SLFN12L: variants seen among roughly 807,000 people sequenced by gnomAD.
SLFN12L encodes the protein schlafen family member 12-like.
Under a neutral mutation model 34.8 loss-of-function variants are expected in SLFN12L, and 34 were observed. The observed-to-expected ratio is 0.98, with a 90% CI of 0.74 to 1.30. SLFN12L has a LOEUF of 1.30. Ranked by LOEUF, SLFN12L falls within the 50% of genes most tolerant of loss-of-function variation. The pLI is 0.00. For missense variants in SLFN12L, 703 were observed against 696.2 expected (o/e 1.01, Z -0.11); for synonymous variants, 259 against 247.5 (o/e 1.05, Z -0.44).
In SLFN12L at chr17:35,469,255, C is replaced by G. The variant is rs1388963550; in HGVS notation, c.*5668G>C. ...TTATTAATGTATTAGTTCCTATCCC[C>G]CAACAACCTGACTGCAGGACCTGTT... On this transcript the variant is annotated 3_prime_UTR_variant, in exon 5 of 5. Transcript: ENST00000628453. 2.7e-5 allele frequency among the ~76,000 whole-genome samples: 4 copies of G among 146,858 alleles called. No individual in the cohort carries two copies. The highest frequency in any genetic ancestry group is 2.1e-4 in the Admixed American group (3 of 14,634).
rs550154531 is a variant in SLFN12L at position 35,465,100 on chromosome 17, G to A, written c.*9823C>T. 1.3e-3 allele frequency among the ~76,000 whole-genome samples: 198 copies of A among 152,176 alleles called. 1 individual carries two copies. The highest frequency in any genetic ancestry group is 2.0e-3 in the Non-Finnish European group (134 of 67,994). ...ACTATATGTTCGCCAGGCTGGTCTC[G>A]AACTCCTGGCCTCAAGTGATCCGCC... On this transcript the variant is annotated 3_prime_UTR_variant, in exon 5 of 5. Coordinates refer to ENST00000628453, the MANE Select transcript of SLFN12L (RefSeq NM_001363830.2).
chr17:35,517,008 C>T (rs1442828233), intron 2 of SLFN12L, among the ~76,000 whole-genome samples: 1 of 152,224 alleles, frequency 6.6e-6, no homozygotes, highest in Non-Finnish European at 1.5e-5. Flanking sequence ...GCACCAGCCA[C>T]ATAGCAAGCA....
chr17:35,516,550 G>A (rs967581635), intron 2 of SLFN12L, among the ~76,000 whole-genome samples: 3 of 152,200 alleles, frequency 2.0e-5, no homozygotes, highest in Non-Finnish European at 4.4e-5. Flanking sequence ...ATGTTCAGCA[G>A]TATCCCTGGC....
chr17:35,487,243 C>T (rs1031477154), intron 2 of SLFN12L, among the ~76,000 whole-genome samples: 2 of 152,276 alleles, frequency 1.3e-5, no homozygotes, highest in African/African-American at 4.8e-5. Context: ...GCCCGGCCGC[C>T]CTGCGGCTTT....
At chr17:35,486,058 T>C (rs975197617) in intron 2 of SLFN12L, among the ~76,000 whole-genome samples, 3 of 152,240 alleles carry the variant, frequency 2.0e-5, no homozygotes, top group African/African-American at 7.2e-5. Flanking sequence ...GGTAATTTCA[T>C]AGGAATAGCA....
intron 1 of SLFN12L, among the ~76,000 whole-genome samples, chr17:35,534,301 G>T (rs187494434): frequency 2.2e-3 from 330 of 152,352 alleles, no homozygotes; most frequent in Non-Finnish European, 4.0e-3. Flanking sequence ...AGCGGAGGTT[G>T]CAGTGAGCTG....
At position 35,474,918 on chromosome 17, in the gene SLFN12L, G is replaced by A; in HGVS notation, c.*5C>T. On this transcript the variant is annotated 3_prime_UTR_variant, in exon 5 of 5. Coordinates refer to ENST00000628453, the MANE Select transcript of SLFN12L (RefSeq NM_001363830.2). Reference sequence around the variant, plus strand: ...TACACTCCAGTCTGGGTGACAGAGTGAGACTCATCTCAAGAAAAAACAAAC... The same window carrying A: ...TACACTCCAGTCTGGGTGACAGAGTAAGACTCATCTCAAGAAAAAACAAAC... 15 of 1,537,038 alleles carry A rather than the reference G, an allele frequency of 9.8e-6. No homozygotes were observed. Among genetic ancestry groups the A allele is most frequent in the Non-Finnish European group, 1.2e-5 (14 of 1,142,000 alleles).
At chr17:35,504,116 G>A (rs1247954529) in intron 2 of SLFN12L, among the ~76,000 whole-genome samples, 1 of 152,138 alleles carries the variant, frequency 6.6e-6, no homozygotes, top group African/African-American at 2.4e-5. Context: ...TGCTTGCCTT[G>A]TTATACCCTG....
intron 4 of SLFN12L, among the ~76,000 whole-genome samples, chr17:35,476,841 C>T (rs2142125857): frequency 6.7e-6 from 1 of 150,332 alleles, no homozygotes; most frequent in South Asian, 2.1e-4. Context: ...CTACTAAAGT[C>T]TCTACAATTT....
rs768815834 is a variant in SLFN12L, at chr17:35,480,109, A to G, written c.173T>C (p.Leu58Pro). The change falls in exon 3 of 5, where the codon CTA becomes CCA. Residue 58 changes from leucine (L) to proline (P), a missense_variant. Coordinates refer to ENST00000628453, the MANE Select transcript of SLFN12L (RefSeq NM_001363830.2). The part of the protein sequence containing the change: ...DLDTNYAELV[L>P]NVGRVTLGEN... ...TCCAAGAGTGACTCTTCCCACATTT[A>G]GAACCAGCTCAGCATAGTTTGTGTC... 14 of 1,614,106 alleles carry G rather than the reference A, an allele frequency of 8.7e-6. No homozygotes were observed. The highest frequency in any genetic ancestry group is 9.3e-6 in the Non-Finnish European group (11 of 1,180,018).
intron 2 of SLFN12L, chr17:35,487,594 C>T: frequency 2.2e-6 from 2 of 898,006 alleles, no homozygotes; most frequent in Admixed American, 4.8e-5. Context: ...CCAGCGCGGG[C>T]CCTTAAGCAA....
rs939306664 is a variant in SLFN12L at position 35,472,442 on chromosome 17, T to C, written c.*2481A>G. ...AAGTTTGTAGAAGATCAGATGGTTA[T>C]AGATGTGTGGTGTTATTTCTGAGGT... On this transcript the variant is annotated 3_prime_UTR_variant, in exon 5 of 5. Coordinates refer to ENST00000628453, the MANE Select transcript of SLFN12L (RefSeq NM_001363830.2). Among the ~76,000 whole-genome samples, 1 of 152,234 alleles carries C rather than the reference T, an allele frequency of 6.6e-6. No homozygotes were observed. The highest frequency in any genetic ancestry group is 2.4e-5 in the African/African-American group (1 of 41,466).
intron 2 of SLFN12L, among the ~76,000 whole-genome samples, chr17:35,507,375 C>T (rs1915497222): frequency 6.6e-6 from 1 of 152,184 alleles, no homozygotes; most frequent in African/African-American, 2.4e-5. Context: ...TACAAGCTAT[C>T]TTAGAAATAA....
Position 35,479,288 on chromosome 17 carries a change from G to T in SLFN12L, c.994C>A (p.Leu332Ile). 6.3e-7 allele frequency: 1 copy of T among 1,590,628 alleles called. No individual in the cohort carries two copies. The highest frequency in any genetic ancestry group is 2.3e-5 in the East Asian group (1 of 43,510). The change falls in exon 3 of 5, where the codon CTT becomes ATT. Residue 332 changes from leucine (L) to isoleucine (I), a missense_variant. Physicochemically the swap from Leu to Ile is conservative, Grantham distance 5 (BLOSUM62 2). Transcript: ENST00000628453. ...KGTINYLCKFLGVYDKGRLCG... is the reference protein window; with the variant it reads ...KGTINYLCKFIGVYDKGRLCG... ...AGCCTTCCTTTATCATATACTCCAA[G>T]GAATTTGCATAAGTAATTTATCGTC...
Position 35,469,304 on chromosome 17 carries a change from A to AAAATATATATATTATAT in SLFN12L, c.*5618_*5619insATATAATATATATATTT, listed in dbSNP as rs1567635848. 4.8e-4 allele frequency among the ~76,000 whole-genome samples: 67 copies of AAAATATATATATTATAT among 139,310 alleles called. No homozygotes were observed. Among genetic ancestry groups the AAAATATATATATTATAT allele is most frequent in the Non-Finnish European group, 9.6e-4 (63 of 65,762 alleles). 91.4% of individuals were successfully genotyped at this position (139,310 alleles called of 152,430 possible). A position where few individuals can be genotyped will look rare whatever the true frequency, so the allele number is the denominator to read the frequency against. Reference sequence around the variant, plus strand: ...TTTTATATAAAATATATATATATAAAATATATATATATTATATATATAAAT... The same window carrying AAAATATATATATTATAT: ...TTTTATATAAAATATATATATATAAAAAATATATATATTATATATATATATATATTATATATATAAAT... On this transcript the variant is annotated 3_prime_UTR_variant, in exon 5 of 5. Coordinates refer to ENST00000628453, the MANE Select transcript of SLFN12L (RefSeq NM_001363830.2).
At chr17:35,485,761 T>C (rs1048278681) in intron 2 of SLFN12L, among the ~76,000 whole-genome samples, 1 of 152,216 alleles carries the variant, frequency 6.6e-6, no homozygotes, top group Non-Finnish European at 1.5e-5. Flanking sequence ...GTGTCCTTTC[T>C]CCATTGGTTA....
At chr17:35,514,252 G>C (rs1051125555) in intron 2 of SLFN12L, among the ~76,000 whole-genome samples, 1 of 152,220 alleles carries the variant, frequency 6.6e-6, no homozygotes, top group Non-Finnish European at 1.5e-5. Context: ...CTGGAAGGTG[G>C]TAATGTTAAC....
chr17:35,529,348 T>C (rs1458934108), intron 1 of SLFN12L, among the ~76,000 whole-genome samples: 2 of 152,230 alleles, frequency 1.3e-5, no homozygotes, highest in Non-Finnish European at 2.9e-5. Context: ...TTACTGGGTA[T>C]ATACCCAAAG....
intron 2 of SLFN12L, among the ~76,000 whole-genome samples, chr17:35,516,077 T>A (rs1010462040): frequency 3.3e-5 from 5 of 152,168 alleles, no homozygotes; most frequent in African/African-American, 7.2e-5. Flanking sequence ...AACTGATCAA[T>A]ATAGGACCAT....
Sources: allele counts gnomAD v4.1 joint callset (sites outside exome capture counted in the v4.1 genomes callset), GRCh38; gene constraint gnomAD v4.1.1; transcripts MANE v1.5; gene names NCBI Gene and HGNC (gene_info 2026-07-23, HGNC 2026-07-21).